Variants in KDM4B observed in about 807,000 individuals in gnomAD.
KDM4B encodes the protein lysine demethylase 4B.
In KDM4B, 32 loss-of-function variants were observed where a neutral mutation model predicts 125.2. The observed-to-expected ratio is 0.26, with a 90% confidence interval of 0.19 to 0.34. KDM4B has a LOEUF of 0.34. Ranked by LOEUF, KDM4B falls within the 10% of genes least tolerant of loss-of-function variation. KDM4B has a pLI of 1.00. For synonymous variants in KDM4B, 721 were observed against 677.9 expected (o/e 1.06, Z -0.99); for missense variants, 1,190 against 1,577.7 (o/e 0.75, Z 4.16).
intron 2 of KDM4B, among the ~76,000 whole-genome samples, chr19:5,026,174 C>T (rs751855805): frequency 4.0e-5 from 6 of 148,442 alleles, no homozygotes; most frequent in African/African-American, 9.8e-5. Flanking sequence ...TTTGGGAGGC[C>T]GAGGTGAGGA....
intron 7 of KDM4B, among the ~76,000 whole-genome samples, chr19:5,073,469 G>C (rs372898872): frequency 6.6e-5 from 10 of 152,234 alleles, no homozygotes; most frequent in Admixed American, 5.9e-4. Context: ...TGCCCAGATC[G>C]AGAGGGCCAC....
Position 5,041,052 on chromosome 19 carries a change from G to T in KDM4B, c.318-85G>T. On this transcript the variant is annotated intron_variant, in intron 4 of 22. Coordinates refer to ENST00000159111, the MANE Select transcript of KDM4B (RefSeq NM_015015.3). ...AGAGCCCCTCCCGCCTCTTTCATGG[G>T]TGCCCTGGGTTCCAGGTGGCTGAGG... 6.0e-6 allele frequency: 5 copies of T among 829,956 alleles called. No homozygotes were observed. The South Asian group carries it at 7.8e-5, about 13-fold the overall frequency. The allele number at this position is 829,956 out of a possible 1,614,324, so 51.4% of individuals were successfully genotyped here.
At chr19:5,011,187 G>C (rs1010284826) in intron 1 of KDM4B, among the ~76,000 whole-genome samples, 2 of 152,162 alleles carry the variant, frequency 1.3e-5, no homozygotes, top group South Asian at 4.1e-4. Flanking sequence ...CCCTGGAATT[G>C]ACCACGTGTC....
At position 5,137,817 on chromosome 19, in the gene KDM4B, G is replaced by T. The variant is rs2039675904; in HGVS notation, c.2441+141G>T. 2.4e-5 allele frequency: 25 copies of T among 1,050,998 alleles called. No individual in the cohort carries two copies. In the South Asian group the frequency reaches 3.7e-4, roughly 16 times the overall value. The allele number at this position is 1,050,998 out of a possible 1,614,324, so 65.1% of individuals were successfully genotyped here. On this transcript the variant is annotated intron_variant, in intron 17 of 22. Coordinates refer to ENST00000159111, the MANE Select transcript of KDM4B (RefSeq NM_015015.3). ...CCTGTGTCATGGATGGGGTGGCCAG[G>T]GCTGAGGAGGAGCATACGCCTGCAC...
chr19:5,144,101 G>A lies in KDM4B; in HGVS notation c.2685G>A (p.Trp895Ter). 1 of 1,603,402 alleles carries A rather than the reference G, an allele frequency of 6.2e-7. No homozygotes were observed. The highest frequency in any genetic ancestry group is 8.5e-7 in the Non-Finnish European group (1 of 1,172,188). Reference protein sequence around the residue: ...AAGVLMEPDDWPYVVSITCLK... With the variant: ...AAGVLMEPDD ...GCGTGCTCATGGAGCCGGACGACTG[G>A]CCCTATGTGGTCTCCATCACCTGCC... Residue 895 changes from tryptophan (W) to a stop codon, truncating the protein, a stop_gained, in exon 19 of 23, where the codon TGG becomes TGA. Transcript: ENST00000159111. LOFTEE classifies it high-confidence loss of function.
Position 5,135,393 on chromosome 19 carries a change from G to T in KDM4B, c.2140G>T (p.Ala714Ser). 6.2e-7 allele frequency: 1 copy of T among 1,613,578 alleles called. No homozygotes were observed. The highest frequency in any genetic ancestry group is 8.5e-7 in the Non-Finnish European group (1 of 1,179,988). ...AGCCTCCCTCGGAGAGGGCTGCCCG[G>T]CCACATTACCCTCCAAAAGCCGTCA... is the stretch of plus-strand genomic sequence containing the variant. ...PIASLGEGCP[A>S]TLPSKSRQKT... Residue 714 changes from alanine to serine, a missense_variant, in exon 15 of 23, where the codon GCC (alanine) becomes TCC (serine). Physicochemically the swap from Ala to Ser is moderately conservative, Grantham distance 99. Coordinates refer to ENST00000159111, the MANE Select transcript of KDM4B (RefSeq NM_015015.3).
In KDM4B at chr19:5,032,922, C is replaced by G; in HGVS notation, c.32C>G (p.Pro11Arg). Residue 11 changes from proline to arginine, a missense_variant, in exon 3 of 23, where the codon CCC becomes CGC. Physicochemically the swap from Pro to Arg is moderately radical, Grantham distance 103. This residue lies in a region of KDM4B where 139 missense variants were observed against 248.3 expected (regional missense o/e 0.56). Coordinates refer to ENST00000159111, the MANE Select transcript of KDM4B (RefSeq NM_015015.3). MGSEDHGAQNPSCKIMTFRPT... is the reference protein window; with the variant it reads MGSEDHGAQNRSCKIMTFRPT... ...TCTGAGGACCACGGCGCCCAGAACC[C>G]CAGCTGTAAAATCATGACGTTTCGC... The G allele has an allele frequency of 6.2e-7, 1 of 1,614,184 alleles. No homozygotes were observed. Among genetic ancestry groups the G allele is most frequent in the South Asian group, 1.1e-5 (1 of 91,082 alleles).
At chr19:5,002,760 C>T (rs2035431500) in intron 1 of KDM4B, among the ~76,000 whole-genome samples, 1 of 151,726 alleles carries the variant, frequency 6.6e-6, no homozygotes, top group African/African-American at 2.4e-5. Flanking sequence ...CCAGCCTGGG[C>T]AACATGGTGA....
intron 1 of KDM4B, among the ~76,000 whole-genome samples, chr19:5,002,088 C>T (rs898355161): frequency 6.6e-6 from 1 of 151,892 alleles, no homozygotes; most frequent in Non-Finnish European, 1.5e-5. Flanking sequence ...ACCTCCGCCT[C>T]CCAGGTTCAA....
chr19:5,138,219 C>A (rs1211141730), intron 18 of KDM4B, 149 bp downstream of exon 18: 16 of 607,872 alleles, frequency 2.6e-5, no homozygotes, highest in South Asian at 1.8e-4. Flanking sequence ...AGCCAGTGAT[C>A]CCGACTTCAG....
chr19:5,040,079 G>C (rs2036758633), intron 4 of KDM4B, 68 bp downstream of exon 4: 1 of 1,496,918 alleles, frequency 6.7e-7, no homozygotes, highest in Middle Eastern at 2.3e-4. Flanking sequence ...GGGGGCCCTG[G>C]GGGCAGAGAA....
chr19:5,139,881 G>A (rs1337592320), intron 18 of KDM4B, among the ~76,000 whole-genome samples: 1 of 152,246 alleles, frequency 6.6e-6, no homozygotes, highest in Non-Finnish European at 1.5e-5. Context: ...CATCGTGGGG[G>A]CTTGTGAAGC....
chr19:5,064,609 A>C (rs994063216), intron 6 of KDM4B, among the ~76,000 whole-genome samples: 2 of 152,158 alleles, frequency 1.3e-5, no homozygotes, highest in African/African-American at 4.8e-5. Flanking sequence ...ATCTTAAAAA[A>C]ACCTTACACT....
rs115858173 is a variant in KDM4B, at chr19:5,114,673, C to G, written c.1115+3855C>G. On this transcript the variant is annotated intron_variant, in intron 10 of 22. Transcript: ENST00000159111. This position sits in a 1 kb window ranked among gnomAD's most constrained non-coding sequence, Gnocchi z 5.8. ...TGGGGAGCACTGGGCCACTTTGGGTCGGGGGTGGGCGGCTCTGAGGGCTCA... is the reference window on the plus strand; with the variant it reads ...TGGGGAGCACTGGGCCACTTTGGGTGGGGGGTGGGCGGCTCTGAGGGCTCA... 0.037 allele frequency among the ~76,000 whole-genome samples: 5,533 copies of G among 150,200 alleles called. 313 individuals carry two copies. Among genetic ancestry groups the G allele is most frequent in the African/African-American group, 0.13 (5,236 of 40,684 alleles).
At position 5,071,047 on chromosome 19, in the gene KDM4B, C is replaced by T. The variant is rs151146933; in HGVS notation, c.664C>T (p.Arg222Trp). The T allele has an allele frequency of 6.2e-7, 1 of 1,613,268 alleles. No individual in the cohort carries two copies. Residue 222 changes from arginine (R) to tryptophan (W), a missense_variant, in exon 7 of 23, where the codon CGG (arginine) becomes TGG (tryptophan). Physicochemically the swap from Arg to Trp is moderately radical, Grantham distance 101. Around this residue, in one of 7 missense-constraint regions of KDM4B, gnomAD observed 75 missense variants for 218.2 expected, o/e 0.34. Coordinates refer to ENST00000159111, the MANE Select transcript of KDM4B (RefSeq NM_015015.3). ...IPPEHGKRLE[R>W]LAIGFFPGSS... ...ACCAGAGCACGGCAAGCGCCTGGAG[C>T]GGCTGGCCATCGGTAGGTGCCTGCC...
chr19:4,982,554 T>C (rs1018602047), intron 1 of KDM4B, among the ~76,000 whole-genome samples: 3 of 152,134 alleles, frequency 2.0e-5, no homozygotes, highest in Non-Finnish European at 4.4e-5. Flanking sequence ...TTTATTTCTA[T>C]GTTTTTAATG....
chr19:5,100,373 C>T (rs937723762), intron 9 of KDM4B, among the ~76,000 whole-genome samples: 5 of 152,208 alleles, frequency 3.3e-5, no homozygotes, highest in African/African-American at 1.2e-4. Context: ...TTTATCTTCC[C>T]CACCTCCGTT....
At position 5,061,873 on chromosome 19, in the gene KDM4B, A is replaced by G. The variant is rs148523484; in HGVS notation, c.627-9137A>G. Among the ~76,000 whole-genome samples the G allele has an allele frequency of 7.9e-3, 1,209 of 152,168 alleles. 13 individuals carry two copies. The highest frequency in any genetic ancestry group is 0.026 in the African/African-American group (1,100 of 41,530). On this transcript the variant is annotated intron_variant, in intron 6 of 22. Transcript: ENST00000159111. Reference sequence around the variant, plus strand: ...CAACAACAAAAAACAACAACAAAAAAAAACAGAAGAAAGAAATAGGGTAGC... The same window carrying G: ...CAACAACAAAAAACAACAACAAAAAGAAACAGAAGAAAGAAATAGGGTAGC...
Position 5,114,111 on chromosome 19 carries a change from C to T in KDM4B, c.1115+3293C>T. On this transcript the variant is annotated intron_variant, in intron 10 of 22. Coordinates refer to ENST00000159111, the MANE Select transcript of KDM4B (RefSeq NM_015015.3). This position sits in a 1 kb window ranked among gnomAD's most constrained non-coding sequence, Gnocchi z 5.8. ...CCCACTCCCGGTGGCGCTGTGCGTTCTGGTGCCCTGCCTGAGCCGGAGCCC... is the reference window on the plus strand; with the variant it reads ...CCCACTCCCGGTGGCGCTGTGCGTTTTGGTGCCCTGCCTGAGCCGGAGCCC... 1 of 1,289,576 alleles carries T rather than the reference C, an allele frequency of 7.8e-7. No individual in the cohort carries two copies. Among genetic ancestry groups the T allele is most frequent in the Non-Finnish European group, 1.0e-6 (1 of 988,776 alleles). 79.9% of individuals were successfully genotyped at this position (1,289,576 alleles called of 1,614,324 possible).
Sources: gnomAD v4.1 joint callset for allele counts (sites outside exome capture counted in the v4.1 genomes callset) on GRCh38, gnomAD v4.1.1 for gene constraint, gnomAD v4.1.1 regional missense constraint, Gnocchi (gnomAD v3.1) non-coding constraint, MANE v1.5 for transcripts, NCBI Gene and HGNC (gene_info 2026-07-23, HGNC 2026-07-21) for gene names.